THAP12: variants seen among roughly 807,000 people sequenced by gnomAD.
The protein encoded by THAP12 is THAP domain containing 12.
In THAP12, 20 loss-of-function variants were observed where a neutral mutation model predicts 63.0. That is an observed-to-expected ratio of 0.32 (90% confidence interval 0.22 to 0.46). The LOEUF (loss-of-function observed/expected upper bound fraction) is 0.46. Among genes scored for constraint, THAP12 ranks in the 20% least tolerant of loss-of-function variants. The probability of loss-of-function intolerance (pLI) is 1.00; values close to 1 mark genes in which losing one functional copy is unlikely to be tolerated. For synonymous variants in THAP12, 264 were observed against 328.4 expected (o/e 0.80, Z 2.12); for missense variants, 568 against 908.2 (o/e 0.63, Z 4.81).
At chr11:76,371,800 TTTAAC>T (rs958758499) in intron 1 of THAP12, among the ~76,000 whole-genome samples, 2 of 145,694 alleles carry the variant, frequency 1.4e-5, no homozygotes, top group Admixed American at 7.4e-5. Context: ...TTATTTCATT[TTTAAC>T]TTTTCTTTTT....
At position 76,350,994 on chromosome 11, in the gene THAP12, T is replaced by C. The variant is rs1283622842; in HGVS notation, c.2156A>G (p.Asn719Ser). The change falls in exon 5 of 5, where the codon AAC becomes AGC. Residue 719 changes from asparagine to serine, a missense_variant. By Grantham distance (46) the Asn-to-Ser change is conservative. Coordinates refer to ENST00000260045, the MANE Select transcript of THAP12 (RefSeq NM_004705.4). ...AAAATTTATGTTAAGCAAAGCCAAGTTACTTGACCTTTGGTCTGTCAAAGT... is the reference window on the plus strand; with the variant it reads ...AAAATTTATGTTAAGCAAAGCCAAGCTACTTGACCTTTGGTCTGTCAAAGT... ...RNTLTDQRSSNLALLNINFDI... is the reference protein window; with the variant it reads ...RNTLTDQRSSSLALLNINFDI... 6.2e-7 allele frequency: 1 copy of C among 1,611,506 alleles called. No homozygotes were observed. The highest frequency in any genetic ancestry group is 1.3e-5 in the African/African-American group (1 of 74,858).
chr11:76,354,382 C>G (rs1205748892), intron 4 of THAP12, among the ~76,000 whole-genome samples: 1 of 152,238 alleles, frequency 6.6e-6, no homozygotes, highest in Non-Finnish European at 1.5e-5. Flanking sequence ...GCCTGCCTGT[C>G]TGGCTCCCTC....
intron 3 of THAP12, chr11:76,357,730 C>A (rs1946570865): frequency 6.6e-6 from 1 of 152,010 alleles, no homozygotes; most frequent in Admixed American, 6.6e-5. Flanking sequence ...AAAAATAATT[C>A]CACATCTGGA....
chr11:76,378,714 C>T (rs564396558), intron 1 of THAP12, among the ~76,000 whole-genome samples: 1 of 152,030 alleles, frequency 6.6e-6, no homozygotes, highest in Admixed American at 6.5e-5. Context: ...TGGGTTCAAG[C>T]GATTCTCACG....
At chr11:76,371,815 T>A (rs1055734592) in intron 1 of THAP12, among the ~76,000 whole-genome samples, 2 of 142,236 alleles carry the variant, frequency 1.4e-5, no homozygotes, top group African/African-American at 5.4e-5. Context: ...CTTTTCTTTT[T>A]TTTTTTTTTT....
intron 4 of THAP12, 80 bp from the exon 5 acceptor site, chr11:76,352,874 T>A: frequency 1.4e-6 from 2 of 1,430,496 alleles, no homozygotes; most frequent in Non-Finnish European, 1.9e-6. Flanking sequence ...TTTGGTTAAA[T>A]ATTTAAAATC....
In THAP12 at chr11:76,365,872, T is replaced by C. The variant is rs1305430405; in HGVS notation, c.190A>G (p.Thr64Ala). Reference protein sequence around the residue: ...HYRLCAKHFETSMICRTSPYR... With the variant: ...HYRLCAKHFEASMICRTSPYR... Reference sequence around the variant, plus strand: ...CTCACAGTTCTACAGATCATAGAGGTCTCAAAATGTTTGGCACATAATCGA... The same window carrying C: ...CTCACAGTTCTACAGATCATAGAGGCCTCAAAATGTTTGGCACATAATCGA... Residue 64 changes from threonine (T) to alanine (A), a missense_variant, in exon 2 of 5, where the codon ACC becomes GCC. Coordinates refer to ENST00000260045, the MANE Select transcript of THAP12 (RefSeq NM_004705.4). 1.9e-6 allele frequency: 3 copies of C among 1,612,746 alleles called. No individual in the cohort carries two copies. Among genetic ancestry groups the C allele is most frequent in the Non-Finnish European group, 2.5e-6 (3 of 1,179,538 alleles).
intron 1 of THAP12, among the ~76,000 whole-genome samples, chr11:76,372,331 T>C (rs1193084253): frequency 6.6e-6 from 1 of 152,082 alleles, no homozygotes. Flanking sequence ...TTTTGATGTT[T>C]TTCCCTCATT....
intron 2 of THAP12, among the ~76,000 whole-genome samples, chr11:76,363,100 G>C (rs533744809): frequency 6.6e-6 from 1 of 152,194 alleles, no homozygotes; most frequent in Non-Finnish European, 1.5e-5. Context: ...CCATGGCTGC[G>C]CCACTGCACC....
At chr11:76,365,653 C>T (rs1946626427) in intron 2 of THAP12, among the ~76,000 whole-genome samples, 199 bp downstream of exon 2, 1 of 152,188 alleles carries the variant, frequency 6.6e-6, no homozygotes, top group African/African-American at 2.4e-5. Context: ...TCCCAAAGTG[C>T]TGGGATTATA....
intron 1 of THAP12, among the ~76,000 whole-genome samples, chr11:76,374,338 G>T: frequency 6.7e-6 from 1 of 148,428 alleles, no homozygotes; most frequent in Admixed American, 6.8e-5. Flanking sequence ...GAAAATATTA[G>T]TTCAGTGAGT....
At chr11:76,357,318 T>C (rs1455738521) in intron 3 of THAP12, 1 of 152,152 alleles carries the variant, frequency 6.6e-6, no homozygotes. Flanking sequence ...AAAGCTGATA[T>C]GGAGGACTGT....
chr11:76,379,353 T>C (rs1946733211), intron 1 of THAP12, among the ~76,000 whole-genome samples: 1 of 152,212 alleles, frequency 6.6e-6, no homozygotes, highest in South Asian at 2.1e-4. Flanking sequence ...CTGTTAAAAT[T>C]TAAGTCTCTG....
intron 1 of THAP12, 110 bp from the exon 2 acceptor site, chr11:76,366,082 C>T (rs1201891475): frequency 8.1e-7 from 1 of 1,231,600 alleles, no homozygotes; most frequent in African/African-American, 1.5e-5. Context: ...GCTCCCCTCC[C>T]TGAGAACATA....
intron 1 of THAP12, among the ~76,000 whole-genome samples, chr11:76,368,280 T>C (rs902628565): frequency 6.6e-6 from 1 of 152,224 alleles, no homozygotes; most frequent in Non-Finnish European, 1.5e-5. Context: ...GTGAAAGAAG[T>C]GCAAGACCTC....
intron 1 of THAP12, 93 bp from the exon 2 acceptor site, chr11:76,366,065 G>A (rs2134508489): frequency 1.5e-6 from 2 of 1,354,764 alleles, no homozygotes; most frequent in East Asian, 4.7e-5. Flanking sequence ...AATAACAACG[G>A]ATTCCTGCTC....
chr11:76,359,364 ATACTT>A (rs1342511024), intron 3 of THAP12: 3 of 152,210 alleles, frequency 2.0e-5, no homozygotes, highest in Admixed American at 6.5e-5. Flanking sequence ...GAACTAGTTA[ATACTT>A]TACAATAGTT....
chr11:76,359,381 A>C (rs182470189), intron 3 of THAP12: 1 of 152,322 alleles, frequency 6.6e-6, no homozygotes, highest in Admixed American at 6.5e-5. Context: ...ACAATAGTTT[A>C]TACTGTAACA....
intron 3 of THAP12, chr11:76,358,004 T>A (rs368914223): frequency 3.9e-5 from 6 of 152,240 alleles, no homozygotes; most frequent in Admixed American, 6.5e-5. Flanking sequence ...ACTGGTTCTT[T>A]GAAAAGATTA....
Sources: gnomAD v4.1 joint callset for allele counts (sites outside exome capture counted in the v4.1 genomes callset) on GRCh38, gnomAD v4.1.1 for gene constraint, MANE v1.5 for transcripts, NCBI Gene and HGNC (gene_info 2026-07-23, HGNC 2026-07-21) for gene names.